ROBO2: variants seen among roughly 807,000 people sequenced by gnomAD.
ROBO2 encodes roundabout guidance receptor 2.
In ROBO2, 53 loss-of-function variants were observed where a neutral mutation model predicts 160.8. The ratio of observed to expected loss-of-function variants is 0.33; its 90% CI spans 0.26 to 0.41. ROBO2 has a LOEUF of 0.41. ROBO2 is among the 10% of genes least tolerant of loss of function. ROBO2 has a pLI of 1.00. For missense variants in ROBO2, 1,577 were observed against 1,722.4 expected, an observed-to-expected ratio of 0.92 and a Z score of 1.49; for synonymous variants, 664 against 611.7, an observed-to-expected ratio of 1.09 and a Z score of -1.26.
intron 2 of ROBO2, among the ~76,000 whole-genome samples, chr3:76,427,108 C>G (rs962067729): frequency 6.6e-6 from 1 of 152,108 alleles, no homozygotes; most frequent in Non-Finnish European, 1.5e-5. Context: ...GATCAGTAAG[C>G]ATTAGCATTC....
chr3:76,058,875 C>A (rs1391638003), intron 2 of ROBO2, among the ~76,000 whole-genome samples: 4 of 144,566 alleles, frequency 2.8e-5, no homozygotes, highest in Non-Finnish European at 6.0e-5. Context: ...GTTCAATTCC[C>A]ACCTATGAGT....
In ROBO2 at chr3:76,092,255, A is replaced by G. The variant is rs73114805; in HGVS notation, c.109+154653A>G. Among the ~76,000 whole-genome samples, 287 of 152,312 alleles carry G rather than the reference A, an allele frequency of 1.9e-3. 2 individuals are homozygous for G. Among genetic ancestry groups the G allele is most frequent in the Non-Finnish European group, 3.5e-3 (236 of 68,024 alleles). On this transcript the variant is annotated intron_variant, in intron 2 of 26. Coordinates refer to the ROBO2 transcript ENST00000487694. ...CACCTCTAAAAAGTCAAGTTTATTA[A>G]TTTAAAAAATACACATATATTTGAA...
intron 2 of ROBO2, among the ~76,000 whole-genome samples, chr3:76,448,214 T>C (rs1222325021): frequency 1.3e-5 from 2 of 152,072 alleles, no homozygotes; most frequent in Non-Finnish European, 2.9e-5. Context: ...CTCTTGTGCA[T>C]GAATATGTAA....
At chr3:76,711,710 GT>G (rs1315342577) in intron 2 of ROBO2, among the ~76,000 whole-genome samples, 1 of 152,160 alleles carries the variant, frequency 6.6e-6, no homozygotes, top group East Asian at 1.9e-4. Context: ...GCAAGAGTCA[GT>G]TTTCATCATG....
intron 6 of ROBO2, among the ~76,000 whole-genome samples, chr3:77,524,519 TC>T (rs1194445883): frequency 2.6e-5 from 4 of 151,328 alleles, no homozygotes; most frequent in Non-Finnish European, 5.9e-5. Context: ...AAATGCTCCA[TC>T]CGAAAAATAT....
chr3:76,088,265 T>A (rs2069097124), intron 2 of ROBO2, among the ~76,000 whole-genome samples: 1 of 152,102 alleles, frequency 6.6e-6, no homozygotes, highest in Admixed American at 6.6e-5. Context: ...TACGTAAATC[T>A]ACTCTTATAA....
chr3:77,299,900 A>G (rs995488572), intron 2 of ROBO2, among the ~76,000 whole-genome samples: 9 of 152,146 alleles, frequency 5.9e-5, no homozygotes, highest in African/African-American at 1.7e-4. Flanking sequence ...GTTGGTTTCA[A>G]AGATTCTAAG....
chr3:77,439,428 A>G (rs556518545), intron 2 of ROBO2, among the ~76,000 whole-genome samples: 2 of 151,986 alleles, frequency 1.3e-5, no homozygotes, highest in Non-Finnish European at 2.9e-5. Context: ...TTATGAAGCT[A>G]CATGGCTTTG....
chr3:76,124,482 C>G (rs188333633), intron 2 of ROBO2, among the ~76,000 whole-genome samples: 1 of 152,004 alleles, frequency 6.6e-6, no homozygotes, highest in African/African-American at 2.4e-5. Context: ...TAATTAGTGA[C>G]CAGAACACTT....
chr3:76,198,204 C>T (rs897709773), intron 2 of ROBO2, among the ~76,000 whole-genome samples: 5 of 151,518 alleles, frequency 3.3e-5, no homozygotes, highest in African/African-American at 1.2e-4. Flanking sequence ...TCACACCCTC[C>T]TCCCTCAGAA....
At chr3:77,062,554 A>C (rs1223173051) in intron 1 of ROBO2, among the ~76,000 whole-genome samples, 1 of 152,160 alleles carries the variant, frequency 6.6e-6, no homozygotes, top group African/African-American at 2.4e-5. Context: ...CTGTTTACTT[A>C]ATTTCTCCCA....
At chr3:76,592,880 C>CA (rs1191249343) in intron 2 of ROBO2, among the ~76,000 whole-genome samples, 1 of 151,786 alleles carries the variant, frequency 6.6e-6, no homozygotes, top group African/African-American at 2.4e-5. Flanking sequence ...TCAGCCAAGA[C>CA]AAAAAAAGAT....
chr3:77,324,158 T>C (rs181121321), intron 2 of ROBO2, among the ~76,000 whole-genome samples: 1 of 152,252 alleles, frequency 6.6e-6, no homozygotes, highest in East Asian at 1.9e-4. Context: ...GTCTCCATGA[T>C]AAAAGTCACA....
chr3:77,149,114 CA>C (rs1335788206), intron 2 of ROBO2, among the ~76,000 whole-genome samples: 1 of 149,656 alleles, frequency 6.7e-6, no homozygotes, highest in African/African-American at 2.5e-5. Context: ...CAGCTCACTG[CA>C]ACCTCTGCCC....
intron 2 of ROBO2, among the ~76,000 whole-genome samples, chr3:77,372,242 AG>A (rs973673295): frequency 2.0e-5 from 3 of 152,104 alleles, no homozygotes; most frequent in African/African-American, 7.2e-5. Context: ...ATTATTAAAA[AG>A]TGTCCGGTTT....
chr3:76,396,042 A>T (rs1199236417), intron 2 of ROBO2, among the ~76,000 whole-genome samples: 6 of 151,924 alleles, frequency 3.9e-5, no homozygotes, highest in African/African-American at 9.7e-5. Flanking sequence ...TAGACCAATA[A>T]CCTTGATGAA....
At chr3:75,997,935 G>A (rs2065778976) in intron 2 of ROBO2, among the ~76,000 whole-genome samples, 1 of 152,098 alleles carries the variant, frequency 6.6e-6, no homozygotes, top group Non-Finnish European at 1.5e-5. Flanking sequence ...CTATTTATAT[G>A]CTGTAAATTA....
At chr3:77,120,228 G>T (rs945585905) in intron 2 of ROBO2, among the ~76,000 whole-genome samples, 1 of 152,070 alleles carries the variant, frequency 6.6e-6, no homozygotes, top group Non-Finnish European at 1.5e-5. Flanking sequence ...ATGAACATTT[G>T]TCCTACGGGC....
intron 2 of ROBO2, among the ~76,000 whole-genome samples, chr3:76,291,140 G>T (rs1708782759): frequency 6.6e-6 from 1 of 151,998 alleles, no homozygotes. Flanking sequence ...TTTATACAAT[G>T]GGTAGAATCT....
Sources: gnomAD v4.1 joint callset for allele counts (sites outside exome capture counted in the v4.1 genomes callset) on GRCh38, gnomAD v4.1.1 for gene constraint, MANE v1.5 for transcripts, NCBI Gene and HGNC (gene_info 2026-07-23, HGNC 2026-07-21) for gene names.